Variants in ALDH3B2 observed in about 807,000 individuals in gnomAD.
The protein encoded by ALDH3B2 is aldehyde dehydrogenase family 3 member B2.
ALDH3B2 carries 45 observed loss-of-function variants against 36.7 expected under a neutral mutation model. That is an observed-to-expected ratio of 1.23 (90% CI 0.97 to 1.57). ALDH3B2 has a LOEUF of 1.57. Ranked by LOEUF, ALDH3B2 falls within the 40% of genes most tolerant of loss-of-function variation. ALDH3B2 has a pLI of 0.00. For synonymous variants in ALDH3B2, 217 were observed against 226.5 expected (o/e 0.96, Z 0.38); for missense variants, 464 against 513.3 (o/e 0.90, Z 0.93).
At chr11:67,664,112 C>G (rs1243855622) in intron 8 of ALDH3B2, 1 of 579,604 alleles carries the variant, frequency 1.7e-6, no homozygotes, top group Non-Finnish European at 3.0e-6. Flanking sequence ...CCCTGACCTC[C>G]ATTCCGGGCC....
At chr11:67,665,711 T>C (rs1222220526) in intron 6 of ALDH3B2, 40 bp from the exon 7 acceptor site, 2 of 1,570,612 alleles carry the variant, frequency 1.3e-6, no homozygotes, top group East Asian at 2.2e-5. Context: ...GTCAGTGACC[T>C]GGACCAGGCA....
chr11:67,662,451 C>T (rs897016950), exon 10 of ALDH3B2: 2 of 152,300 alleles, frequency 1.3e-5, no homozygotes, highest in African/African-American at 2.4e-5. Context: ...GGTCTACATG[C>T]AGGCGTGTCT....
exon 7 of ALDH3B2, chr11:67,665,430 G>A (rs866728265): frequency 6.2e-7 from 1 of 1,614,102 alleles, no homozygotes; most frequent in Non-Finnish European, 8.5e-7. Flanking sequence ...AGAAACGGGT[G>A]ATGGTGCTCT....
upstream of ALDH3B2, among the ~76,000 whole-genome samples, chr11:67,678,117 T>A (rs1287582014): frequency 6.6e-6 from 1 of 151,832 alleles, no homozygotes; most frequent in Non-Finnish European, 1.5e-5. Flanking sequence ...AAAAAACAAT[T>A]CTAAACTTCA....
chr11:67,675,197 T>C (rs562462883), upstream of ALDH3B2, among the ~76,000 whole-genome samples: 6 of 152,272 alleles, frequency 3.9e-5, no homozygotes, highest in South Asian at 1.2e-3. Context: ...TGGCGCATTG[T>C]TCATTGGTTT....
At chr11:67,664,343 A>G in intron 8 of ALDH3B2, 53 bp downstream of exon 8, 1 of 1,610,094 alleles carries the variant, frequency 6.2e-7, no homozygotes, top group Non-Finnish European at 8.5e-7. Context: ...GAAAGGTGCC[A>G]GTCTGTGCCC....
chr11:67,676,413 C>A (rs902105624), upstream of ALDH3B2, among the ~76,000 whole-genome samples: 1 of 152,002 alleles, frequency 6.6e-6, no homozygotes, highest in African/African-American at 2.4e-5. Flanking sequence ...AACTGAATGA[C>A]AACAGTGACA....
intron 1 of ALDH3B2, among the ~76,000 whole-genome samples, chr11:67,680,291 G>A (rs1163505796): frequency 1.3e-5 from 2 of 152,186 alleles, no homozygotes; most frequent in Admixed American, 1.3e-4. Flanking sequence ...TCCAGCCTGG[G>A]TGACAGAGTG....
intron 1 of ALDH3B2, among the ~76,000 whole-genome samples, chr11:67,670,120 C>G (rs111200389): frequency 1.0e-4 from 4 of 39,074 alleles, no homozygotes; most frequent in African/African-American, 4.2e-4. Context: ...GTATGGGTGT[C>G]TGTGTGTGTG....
intron 1 of ALDH3B2, among the ~76,000 whole-genome samples, chr11:67,672,400 G>C (rs1264269200): frequency 6.6e-6 from 1 of 150,594 alleles, no homozygotes; most frequent in African/African-American, 2.4e-5. Flanking sequence ...GGTGATCCCT[G>C]CCTTGGCCTC....
At chr11:67,680,056 C>T (rs1856342149) in intron 1 of ALDH3B2, among the ~76,000 whole-genome samples, 1 of 152,272 alleles carries the variant, frequency 6.6e-6, no homozygotes, top group Non-Finnish European at 1.5e-5. Flanking sequence ...TGTCTCATGC[C>T]TGTAATCCCA....
intron 3 of ALDH3B2, 91 bp downstream of exon 3, chr11:67,666,815 C>T: frequency 1.2e-6 from 2 of 1,609,776 alleles, no homozygotes; most frequent in Admixed American, 3.4e-5. Context: ...AAATCAGTGA[C>T]TCGCCCGGGG....
At chr11:67,669,507 C>G (rs1426343520) in intron 1 of ALDH3B2, among the ~76,000 whole-genome samples, 1 of 53,726 alleles carries the variant, frequency 1.9e-5, no homozygotes, top group Non-Finnish European at 3.8e-5. Context: ...TGTGTGTCTG[C>G]GTGTGTATGG....
intron 6 of ALDH3B2, among the ~76,000 whole-genome samples, 191 bp from the exon 7 acceptor site, chr11:67,665,862 T>C (rs1855893653): frequency 6.6e-6 from 1 of 152,134 alleles, no homozygotes; most frequent in Non-Finnish European, 1.5e-5. Context: ...GCTTTCTTCA[T>C]AGAAAGTCCT....
chr11:67,665,793 G>A (rs1470377084), intron 6 of ALDH3B2, 122 bp from the exon 7 acceptor site: 7 of 1,413,246 alleles, frequency 5.0e-6, no homozygotes, highest in Non-Finnish European at 6.7e-6. Flanking sequence ...GGGACATGGT[G>A]AGGAGACCCC....
At chr11:67,664,160 GCAGGCTGCTCTGGC>G (rs1855831064) in intron 8 of ALDH3B2, 1 of 638,318 alleles carries the variant, frequency 1.6e-6, no homozygotes, top group South Asian at 1.9e-5. Context: ...CAGTCCAAGT[GCAGGCTGCTCTGGC>G]CAGGACAGAG....
At chr11:67,672,399 T>C (rs4581451) in intron 1 of ALDH3B2, among the ~76,000 whole-genome samples, 109,675 of 151,130 alleles carry the variant, frequency 0.73, 41,743 homozygotes, top group South Asian at 0.9. Flanking sequence ...AGGTGATCCC[T>C]GCCTTGGCCT....
chr11:67,665,495 GGGCCACGCA>G, exon 7 of ALDH3B2: 1 of 1,614,114 alleles, frequency 6.2e-7, no homozygotes, highest in South Asian at 1.1e-5. Context: ...ACGTAGTCAG[GGGCCACGCA>G]GGTCTGGCCG....
intron 1 of ALDH3B2, among the ~76,000 whole-genome samples, chr11:67,673,544 G>T (rs1034817126): frequency 6.6e-6 from 1 of 152,212 alleles, no homozygotes; most frequent in Non-Finnish European, 1.5e-5. Flanking sequence ...AAGCCCTGTG[G>T]GGGCAGATGC....
Sources: allele counts gnomAD v4.1 joint callset (sites outside exome capture counted in the v4.1 genomes callset), GRCh38; gene constraint gnomAD v4.1.1; transcripts MANE v1.5; gene names NCBI Gene and HGNC (gene_info 2026-07-23, HGNC 2026-07-21).